The following DNAH6 variants were observed in gnomAD, a reference collection of about 807,000 sequenced individuals.
DNAH6 encodes the protein dynein axonemal heavy chain 6.
A neutral mutation model predicts 491.4 loss-of-function variants in DNAH6; 340 were observed. The observed-to-expected ratio is 0.69, with a 90% confidence interval of 0.63 to 0.76. The LOEUF (loss-of-function observed/expected upper bound fraction) is 0.76. Ranked by LOEUF, DNAH6 falls within the 30% of genes least tolerant of loss-of-function variation. DNAH6 has a pLI of 0.00. For synonymous variants in DNAH6, 1,603 were observed against 1,686.1 expected (o/e 0.95, Z 1.21); for missense variants, 4,443 against 4,972.2 (o/e 0.89, Z 3.20).
chr2:84,646,889 C>G (rs756393791), intron 33 of DNAH6, among the ~76,000 whole-genome samples: 1 of 152,184 alleles, frequency 6.6e-6, no homozygotes, highest in Non-Finnish European at 1.5e-5. Flanking sequence ...ACTCTGCCCC[C>G]CAGGCTGGAG....
intron 51 of DNAH6, among the ~76,000 whole-genome samples, chr2:84,704,876 AGG>A (rs1408984667): frequency 6.6e-6 from 1 of 152,186 alleles, no homozygotes; most frequent in Non-Finnish European, 1.5e-5. Context: ...AACTAGGCAA[AGG>A]GCTCAGAGCA....
chr2:84,771,783 GAGA>G lies in DNAH6; in HGVS notation c.10703+8841_10703+8843del, dbSNP rs139386120. 9.7e-3 allele frequency among the ~76,000 whole-genome samples: 1,480 copies of G among 152,270 alleles called. 21 individuals are homozygous for G. Among genetic ancestry groups the G allele is most frequent in the African/African-American group, 0.034 (1,427 of 41,562 alleles). ...AGATATTCCCAGATAAACAAAAACTGAGAAGGTCTGTCACTAGTAGAACTGCCC... is the reference window on the plus strand; with the variant it reads ...AGATATTCCCAGATAAACAAAAACTGAGGTCTGTCACTAGTAGAACTGCCC... On this transcript the variant is annotated intron_variant, in intron 64 of 76. Coordinates refer to ENST00000389394, the MANE Select transcript of DNAH6 (RefSeq NM_001370.2).
intron 68 of DNAH6, among the ~76,000 whole-genome samples, chr2:84,793,594 C>A (rs908656078): frequency 4.4e-4 from 67 of 152,180 alleles, no homozygotes; most frequent in African/African-American, 1.6e-3. Flanking sequence ...ATTAGATGGA[C>A]CCACGACAGA....
Position 84,699,852 on chromosome 2 carries a change from A to G in DNAH6, c.7818+118A>G, listed in dbSNP as rs543729093. On this transcript the variant is annotated intron_variant, in intron 48 of 76. Transcript: ENST00000389394. ...GTATTAGCTTTAAAGCCTACTAGGA[A>G]TTTATTCATATAGAGAATGACCGTG... 11 of 930,472 alleles carry G rather than the reference A, an allele frequency of 1.2e-5. No individual in the cohort carries two copies. The Admixed American group carries it at 1.3e-4, about 11-fold the overall frequency. 57.6% of individuals were successfully genotyped at this position (930,472 alleles called of 1,614,324 possible).
At chr2:84,801,326 G>A (rs1678893037) in intron 70 of DNAH6, among the ~76,000 whole-genome samples, 1 of 151,076 alleles carries the variant, frequency 6.6e-6, no homozygotes, top group Admixed American at 6.6e-5. Context: ...TATAATCCAG[G>A]AATATTTCCC....
chr2:84,780,583 C>T (rs1302499463), intron 64 of DNAH6, among the ~76,000 whole-genome samples: 3 of 152,160 alleles, frequency 2.0e-5, no homozygotes, highest in Non-Finnish European at 2.9e-5. Context: ...TGTTAGATCT[C>T]ATTGAGTTTC....
chr2:84,502,794 G>A, the DNAH6 span, among the ~76,000 whole-genome samples: 2 of 152,196 alleles, frequency 1.3e-5, no homozygotes, highest in East Asian at 3.9e-4. Context: ...TCTATTTTGT[G>A]TGATGTAAGT....
At chr2:84,761,775 TACACACACACACATACACACACAC>T (rs1674597724) in intron 63 of DNAH6, among the ~76,000 whole-genome samples, 1 of 123,548 alleles carries the variant, frequency 8.1e-6, no homozygotes, top group Non-Finnish European at 1.7e-5. Context: ...CAGCATTACA[TACACACACACACATACACACACAC>T]ACACACACAC....
intron 54 of DNAH6, 77 bp from the exon 55 acceptor site, chr2:84,709,266 G>A: frequency 1.4e-6 from 2 of 1,433,612 alleles, no homozygotes; most frequent in Non-Finnish European, 9.6e-7. Flanking sequence ...ACTTACCACT[G>A]CCCACCACAT....
intron 64 of DNAH6, among the ~76,000 whole-genome samples, chr2:84,775,460 C>A (rs1559027262): frequency 6.6e-6 from 1 of 152,018 alleles, no homozygotes; most frequent in Admixed American, 6.6e-5. Context: ...TAGATATTGG[C>A]CTGACGTTTT....
chr2:84,509,671 G>C, the DNAH6 span, among the ~76,000 whole-genome samples: 1 of 152,170 alleles, frequency 6.6e-6, no homozygotes, highest in African/African-American at 2.4e-5. Flanking sequence ...TCCTAGCCTC[G>C]ATGGTCTTTA....
At chr2:84,564,810 A>T (rs902039927) in intron 11 of DNAH6, among the ~76,000 whole-genome samples, 3 of 152,134 alleles carry the variant, frequency 2.0e-5, no homozygotes, top group East Asian at 3.9e-4. Flanking sequence ...ATGCAGTATG[A>T]TGTTGGCTGT....
At chr2:84,648,432 G>A (rs1190543964) in intron 33 of DNAH6, among the ~76,000 whole-genome samples, 1 of 152,210 alleles carries the variant, frequency 6.6e-6, no homozygotes, top group African/African-American at 2.4e-5. Flanking sequence ...TCCAGGCAAA[G>A]TTAATTTAAA....
At chr2:84,696,726 A>G (rs1183475931) in intron 46 of DNAH6, among the ~76,000 whole-genome samples, 1 of 152,112 alleles carries the variant, frequency 6.6e-6, no homozygotes, top group Non-Finnish European at 1.5e-5. Flanking sequence ...TCAAACTTTT[A>G]TATAACTAAA....
the DNAH6 span, among the ~76,000 whole-genome samples, chr2:84,509,415 T>G: frequency 2.0e-5 from 3 of 152,320 alleles, no homozygotes; most frequent in Admixed American, 6.5e-5. Context: ...TTTTTTGTTT[T>G]CCATTTGCTT....
intron 31 of DNAH6, 139 bp from the exon 32 acceptor site, chr2:84,640,291 A>G (rs767983012): frequency 4.7e-5 from 29 of 611,650 alleles, no homozygotes; most frequent in Non-Finnish European, 6.9e-5. Flanking sequence ...TTTCCCTTCA[A>G]TCTTTATGTT....
At chr2:84,745,342 C>A in intron 63 of DNAH6, 93 bp downstream of exon 63, 1 of 1,031,244 alleles carries the variant, frequency 9.7e-7, no homozygotes, top group Non-Finnish European at 1.3e-6. Context: ...TTGAGAGTAA[C>A]AATGGCCAAG....
chr2:84,640,091 T>G (rs1689248344), intron 31 of DNAH6, among the ~76,000 whole-genome samples: 2 of 152,172 alleles, frequency 1.3e-5, no homozygotes, highest in African/African-American at 4.8e-5. Flanking sequence ...CAGTTCTTGC[T>G]TTTGTACTCG....
chr2:84,772,775 C>T (rs1675757702), intron 64 of DNAH6, among the ~76,000 whole-genome samples: 1 of 151,992 alleles, frequency 6.6e-6, no homozygotes, highest in Non-Finnish European at 1.5e-5. Context: ...ACTTCAACAA[C>T]ATTAAAACTA....
Sources: allele counts gnomAD v4.1 joint callset (sites outside exome capture counted in the v4.1 genomes callset), GRCh38; gene constraint gnomAD v4.1.1; transcripts MANE v1.5; gene names NCBI Gene and HGNC (gene_info 2026-07-23, HGNC 2026-07-21).